The following OR9Q1 variants were observed in gnomAD, a reference collection of about 807,000 sequenced individuals.
OR9Q1 encodes the protein olfactory receptor 9Q1.
For missense variants in OR9Q1, 374 were observed against 378.8 expected, an observed-to-expected ratio of 0.99 and a Z score of 0.11; for synonymous variants, 153 against 148.6, an observed-to-expected ratio of 1.03 and a Z score of -0.22.
At chr11:58,152,234 A>G (rs1336245128) in intron 2 of OR9Q1, among the ~76,000 whole-genome samples, 3 of 152,214 alleles carry the variant, frequency 2.0e-5, no homozygotes, top group Non-Finnish European at 4.4e-5. Context: ...ATAGAAACTA[A>G]TGAAATGGCA....
intron 2 of OR9Q1, chr11:58,144,761 A>C (rs1412740179): frequency 6.6e-6 from 1 of 152,272 alleles, no homozygotes; most frequent in East Asian, 1.9e-4. Context: ...ATCATCACCT[A>C]TGAGCGCTGT....
chr11:58,155,567 A>G (rs1854400328), intron 2 of OR9Q1, among the ~76,000 whole-genome samples: 1 of 152,166 alleles, frequency 6.6e-6, no homozygotes. Flanking sequence ...CCTGCTTTCC[A>G]TGAAAGATCC....
intron 2 of OR9Q1, chr11:58,118,666 A>T (rs769202886): frequency 6.2e-7 from 1 of 1,614,018 alleles, no homozygotes; most frequent in Non-Finnish European, 8.5e-7. Context: ...GCCACTTTGC[A>T]GATACATGAA....
intron 2 of OR9Q1, among the ~76,000 whole-genome samples, chr11:58,134,514 A>T (rs1257031090): frequency 6.6e-6 from 1 of 152,172 alleles, no homozygotes; most frequent in Non-Finnish European, 1.5e-5. Flanking sequence ...TGTGGACTCT[A>T]AGTTCCAAGA....
chr11:58,035,256 T>A (rs566212031), intron 1 of OR9Q1, among the ~76,000 whole-genome samples: 101 of 75,416 alleles, frequency 1.3e-3, no homozygotes, highest in African/African-American at 4.9e-3. Context: ...CATTTAATTA[T>A]TGCAGAAAAA....
At chr11:58,048,679 A>AAAAATATATATATAT (rs745596668) in intron 1 of OR9Q1, among the ~76,000 whole-genome samples, 8 of 131,430 alleles carry the variant, frequency 6.1e-5, no homozygotes, top group East Asian at 2.6e-4. Flanking sequence ...TAAAAAAAAA[A>AAAAATATATATATAT]ATATATATAT....
At chr11:58,163,907 C>G (rs545402590) in intron 2 of OR9Q1, among the ~76,000 whole-genome samples, 1 of 152,298 alleles carries the variant, frequency 6.6e-6, no homozygotes, top group South Asian at 2.1e-4. Context: ...CCATTCTTAG[C>G]GATGGCCCAA....
At chr11:58,107,248 G>T (rs1853850266) in intron 2 of OR9Q1, among the ~76,000 whole-genome samples, 1 of 152,058 alleles carries the variant, frequency 6.6e-6, no homozygotes, top group South Asian at 2.1e-4. Context: ...TTCTCCTAAT[G>T]CTATCCCTTC....
intron 2 of OR9Q1, among the ~76,000 whole-genome samples, chr11:58,165,984 G>C (rs147923396): frequency 1.3e-5 from 2 of 152,166 alleles, no homozygotes; most frequent in Non-Finnish European, 2.9e-5. Context: ...TTTCTTCTCC[G>C]ATGTCTTTCA....
intron 1 of OR9Q1, among the ~76,000 whole-genome samples, chr11:58,032,231 A>T (rs1397881843): frequency 6.6e-6 from 1 of 152,180 alleles, no homozygotes; most frequent in Non-Finnish European, 1.5e-5. Flanking sequence ...TATCAATGTC[A>T]TTTTTCACAG....
intron 2 of OR9Q1, among the ~76,000 whole-genome samples, chr11:58,177,895 C>T (rs1476455871): frequency 6.6e-6 from 1 of 152,132 alleles, no homozygotes; most frequent in East Asian, 1.9e-4. Flanking sequence ...GAGAACTTTC[C>T]TGTAGAAAGT....
In OR9Q1 at chr11:58,180,503, C is replaced by T. The variant is rs79319544; in HGVS notation, c.*126C>T. 4.1e-4 allele frequency: 226 copies of T among 546,570 alleles called. 2 individuals carry two copies. In the East Asian group the frequency reaches 6.8e-3, roughly 16 times the overall value. 33.9% of individuals were successfully genotyped at this position (546,570 alleles called of 1,614,324 possible). ...TTATGGTACTAGGTATAAAAAAGAA[C>T]CAGAACTTTTAGCTCCAGGGAGAGG... On this transcript the variant is annotated 3_prime_UTR_variant, in exon 3 of 3. Transcript: ENST00000335397.
At chr11:58,080,765 G>A (rs779603966) in intron 2 of OR9Q1, among the ~76,000 whole-genome samples, 17 of 151,956 alleles carry the variant, frequency 1.1e-4, no homozygotes, top group Non-Finnish European at 1.3e-4. Context: ...TTTTCCATAC[G>A]TTTGTTGACT....
intron 2 of OR9Q1, chr11:58,118,357 T>C (rs1019136950): frequency 4.9e-6 from 3 of 610,010 alleles, no homozygotes; most frequent in African/African-American, 3.6e-5. Context: ...TCACCACAAT[T>C]GTAGTTTTTC....
intron 2 of OR9Q1, among the ~76,000 whole-genome samples, chr11:58,092,351 C>T (rs56679888): frequency 0.024 from 3,585 of 150,512 alleles, 144 homozygotes; most frequent in African/African-American, 0.08. Context: ...TTACACTGAA[C>T]TGTAAAAAAT....
At chr11:58,046,633 G>T (rs61904013) in intron 1 of OR9Q1, among the ~76,000 whole-genome samples, 3 of 151,972 alleles carry the variant, frequency 2.0e-5, no homozygotes, top group African/African-American at 7.3e-5. Context: ...AGGCTGAGGC[G>T]GGTGGATCGT....
intron 1 of OR9Q1, among the ~76,000 whole-genome samples, chr11:58,027,105 T>C (rs937003332): frequency 6.6e-6 from 1 of 152,208 alleles, no homozygotes; most frequent in Non-Finnish European, 1.5e-5. Context: ...AGTTTGTTAA[T>C]TAGCATTAGG....
intron 2 of OR9Q1, among the ~76,000 whole-genome samples, chr11:58,166,025 C>A (rs1036337877): frequency 6.6e-6 from 1 of 152,150 alleles, no homozygotes; most frequent in African/African-American, 2.4e-5. Flanking sequence ...GACGGTGGGT[C>A]ACCAAAAAGT....
intron 2 of OR9Q1, among the ~76,000 whole-genome samples, chr11:58,105,065 G>A (rs1565076815): frequency 1.4e-5 from 2 of 146,748 alleles, no homozygotes; most frequent in South Asian, 4.3e-4. Context: ...GGAAACTGAT[G>A]TTCTGAGAAG....
Sources: gnomAD v4.1 joint callset for allele counts (sites outside exome capture counted in the v4.1 genomes callset) on GRCh38, gnomAD v4.1.1 for gene constraint, MANE v1.5 for transcripts, NCBI Gene and HGNC (gene_info 2026-07-23, HGNC 2026-07-21) for gene names.